Variants in PRKCE observed in about 807,000 individuals in gnomAD.
PRKCE encodes protein kinase C epsilon.
A neutral mutation model predicts 85.4 loss-of-function variants in PRKCE; 16 were observed. The observed-to-expected ratio is 0.19, with a 90% CI of 0.13 to 0.28. The LOEUF (loss-of-function observed/expected upper bound fraction) is 0.28. Among genes scored for constraint, PRKCE ranks in the 10% least tolerant of loss-of-function variants. The pLI is 1.00. For missense variants in PRKCE, 573 were observed against 975.2 expected (o/e 0.59, Z 5.49); for synonymous variants, 388 against 371.5 (o/e 1.04, Z -0.51).
chr2:45,805,499 G>A (rs1283723800), intron 1 of PRKCE, among the ~76,000 whole-genome samples: 1 of 152,214 alleles, frequency 6.6e-6, no homozygotes, highest in Non-Finnish European at 1.5e-5. Flanking sequence ...CAGAGGACAG[G>A]TGTGGGTCCT....
chr2:45,878,001 G>A (rs1694604415), intron 2 of PRKCE, among the ~76,000 whole-genome samples: 1 of 152,166 alleles, frequency 6.6e-6, no homozygotes, highest in African/African-American at 2.4e-5. Flanking sequence ...CCTGTTTCTT[G>A]CACATTGTTG....
intron 1 of PRKCE, chr2:45,676,771 T>C (rs936913952): frequency 6.6e-6 from 1 of 152,238 alleles, no homozygotes; most frequent in South Asian, 2.1e-4. Flanking sequence ...GAAGGAGGTA[T>C]CAAGTGTCTC....
At position 45,884,108 on chromosome 2, in the gene PRKCE, A is replaced by G. The variant is rs1439843783; in HGVS notation, c.412+41045A>G. On this transcript the variant is annotated intron_variant, in intron 2 of 14. Transcript: ENST00000306156. ...AGAATACTTGTTTTTGCAAACAACCAGGACTGTTGTGAACATCTGTATCCT... is the reference window on the plus strand; with the variant it reads ...AGAATACTTGTTTTTGCAAACAACCGGGACTGTTGTGAACATCTGTATCCT... Among the ~76,000 whole-genome samples the G allele has an allele frequency of 2.0e-5, 3 of 152,338 alleles. No homozygotes were observed. The East Asian group carries it at 5.8e-4, about 29-fold the overall frequency.
At chr2:45,767,625 A>G (rs1042152575) in intron 1 of PRKCE, among the ~76,000 whole-genome samples, 5 of 152,210 alleles carry the variant, frequency 3.3e-5, no homozygotes, top group Non-Finnish European at 2.9e-5. Flanking sequence ...GTTTTCTCCA[A>G]TTATTGCCTT....
chr2:45,979,398 G>A (rs1444364663), intron 4 of PRKCE, among the ~76,000 whole-genome samples: 4 of 152,200 alleles, frequency 2.6e-5, no homozygotes, highest in Admixed American at 1.3e-4. Flanking sequence ...CCCTGAAGAA[G>A]CTTCCTCGCC....
chr2:45,965,076 T>C (rs1395683211), intron 2 of PRKCE, among the ~76,000 whole-genome samples: 2 of 152,226 alleles, frequency 1.3e-5, no homozygotes, highest in Non-Finnish European at 2.9e-5. Context: ...GCAGGCAATC[T>C]CAAACCTCTC....
In PRKCE at chr2:46,041,404, C is replaced by G. The variant is rs536744187; in HGVS notation, c.1437+30887C>G. Among the ~76,000 whole-genome samples, 9 of 152,216 alleles carry G rather than the reference C, an allele frequency of 5.9e-5. No individual in the cohort carries two copies. The highest frequency in any genetic ancestry group is 1.2e-4 in the Non-Finnish European group (8 of 68,042). On this transcript the variant is annotated intron_variant, in intron 10 of 14. Transcript: ENST00000306156. This position sits in a 1 kb window ranked among gnomAD's most constrained non-coding sequence, Gnocchi z 5.5. ...TAGAGCCACATACACCTGTTAGACA[C>G]ACATTGAGTTTTCAAGAGAGAAAAA... is the stretch of plus-strand genomic sequence containing the variant.
At chr2:45,803,224 G>A (rs1432077658) in intron 1 of PRKCE, among the ~76,000 whole-genome samples, 3 of 152,190 alleles carry the variant, frequency 2.0e-5, no homozygotes, top group Non-Finnish European at 4.4e-5. Context: ...AACAAGATTT[G>A]GTCTATACCT....
intron 11 of PRKCE, among the ~76,000 whole-genome samples, chr2:46,106,646 C>T (rs565732852): frequency 1.3e-5 from 2 of 152,334 alleles, no homozygotes. Context: ...TTTGCATGGT[C>T]ACCCCTCTGT....
intron 10 of PRKCE, among the ~76,000 whole-genome samples, chr2:46,062,605 A>G (rs1269333152): frequency 4.8e-5 from 7 of 146,888 alleles, no homozygotes; most frequent in African/African-American, 1.8e-4. Flanking sequence ...GCATTGACCA[A>G]CCCTCCCCCA....
At chr2:45,980,522 G>C (rs1702804245) in intron 5 of PRKCE, 141 bp downstream of exon 5, 1 of 773,564 alleles carries the variant, frequency 1.3e-6, no homozygotes, top group Non-Finnish European at 2.1e-6. Flanking sequence ...AAAGGGAGCT[G>C]TCCACGGTCT....
At chr2:45,767,180 G>A (rs1187047421) in intron 1 of PRKCE, among the ~76,000 whole-genome samples, 1 of 152,084 alleles carries the variant, frequency 6.6e-6, no homozygotes, top group South Asian at 2.1e-4. Flanking sequence ...ATAAGATGCA[G>A]GCAACAGTTT....
At chr2:45,945,729 G>A (rs1423317415) in intron 2 of PRKCE, among the ~76,000 whole-genome samples, 1 of 152,230 alleles carries the variant, frequency 6.6e-6, no homozygotes, top group Non-Finnish European at 1.5e-5. Context: ...AAGAGATGCT[G>A]CATAACTGTG....
At chr2:46,173,767 C>G (rs1053276322) in intron 14 of PRKCE, among the ~76,000 whole-genome samples, 2 of 152,236 alleles carry the variant, frequency 1.3e-5, no homozygotes, top group African/African-American at 2.4e-5. Context: ...AAAGCTGTGT[C>G]TATAGACCCC....
chr2:45,684,499 T>G (rs963352479), intron 1 of PRKCE, among the ~76,000 whole-genome samples: 4 of 152,266 alleles, frequency 2.6e-5, no homozygotes, highest in Non-Finnish European at 5.9e-5. Context: ...AGCAGTGGAA[T>G]AGCACTTACC....
At chr2:45,885,586 G>A (rs986012907) in intron 2 of PRKCE, among the ~76,000 whole-genome samples, 3 of 152,196 alleles carry the variant, frequency 2.0e-5, no homozygotes, top group Non-Finnish European at 4.4e-5. Context: ...CTGTCTGATT[G>A]CCTCTGGTCT....
chr2:45,724,268 C>G (rs1163860301), intron 1 of PRKCE, among the ~76,000 whole-genome samples: 3 of 152,156 alleles, frequency 2.0e-5, no homozygotes, highest in Non-Finnish European at 4.4e-5. Flanking sequence ...TTTGATGTTA[C>G]TATTATAACT....
chr2:46,069,852 A>G (rs1240637230), intron 10 of PRKCE, among the ~76,000 whole-genome samples: 1 of 152,184 alleles, frequency 6.6e-6, no homozygotes, highest in Non-Finnish European at 1.5e-5. Flanking sequence ...ATTTTGGGGC[A>G]ATTCTAGCGG....
intron 2 of PRKCE, among the ~76,000 whole-genome samples, chr2:45,936,451 C>T (rs952519513): frequency 1.3e-5 from 2 of 152,176 alleles, no homozygotes; most frequent in African/African-American, 4.8e-5. Context: ...TGGCCGTGGG[C>T]CAAGCAAGGA....
Sources: gnomAD v4.1 joint callset for allele counts (sites outside exome capture counted in the v4.1 genomes callset) on GRCh38, gnomAD v4.1.1 for gene constraint, Gnocchi (gnomAD v3.1) non-coding constraint, MANE v1.5 for transcripts, NCBI Gene and HGNC (gene_info 2026-07-23, HGNC 2026-07-21) for gene names.